SCMH1: variants seen among roughly 807,000 people sequenced by gnomAD.
The protein encoded by SCMH1 is Scm polycomb group protein homolog 1.
A neutral mutation model predicts 70.8 loss-of-function variants in SCMH1; 37 were observed. That is an observed-to-expected ratio of 0.52 (90% CI 0.40 to 0.69). The LOEUF (loss-of-function observed/expected upper bound fraction) is 0.69, where lower values mean the gene tolerates loss of function less well. SCMH1 is among the 30% of genes least tolerant of loss of function. SCMH1 has a pLI of 0.00. For missense variants in SCMH1, 607 were observed against 827.3 expected (o/e 0.73, Z 3.27); for synonymous variants, 292 against 307.4 (o/e 0.95, Z 0.52).
At position 41,053,341 on chromosome 1, in the gene SCMH1, A is replaced by C. The variant is rs56032610; in HGVS notation, c.1106-4451T>G. Among the ~76,000 whole-genome samples the C allele has an allele frequency of 1.6e-3, 241 of 152,324 alleles. 2 individuals are homozygous for C. The Middle Eastern group carries it at 0.027, about 17-fold the overall frequency. The stretch of plus-strand genomic sequence containing the variant: ...TAAAAGGCAGAACTATAAAGCCTTT[A>C]GACTATGCAGAAACAACACTGTACC... On this transcript the variant is annotated intron_variant, in intron 10 of 14. Transcript: ENST00000337495.
At position 41,120,143 on chromosome 1, in the gene SCMH1, C is replaced by T. The variant is rs150320130; in HGVS notation, c.413-3133G>A. On this transcript the variant is annotated intron_variant, in intron 6 of 14. Coordinates refer to ENST00000337495, the Ensembl canonical transcript of SCMH1. ...ACAATTAGAAAATTCAGGTTTAATGCCTATAGTTATCAATGACTAGAGTGC... is the reference window on the plus strand; with the variant it reads ...ACAATTAGAAAATTCAGGTTTAATGTCTATAGTTATCAATGACTAGAGTGC... 3.1e-4 allele frequency among the ~76,000 whole-genome samples: 47 copies of T among 152,128 alleles called. No homozygotes were observed. In the East Asian group the frequency reaches 7.9e-3, roughly 26 times the overall value.
intron 4 of SCMH1, among the ~76,000 whole-genome samples, chr1:41,156,024 T>C (rs1483512820): frequency 6.8e-6 from 1 of 147,788 alleles, no homozygotes; most frequent in African/African-American, 2.5e-5. Flanking sequence ...ATTTGAATGG[T>C]CCTTCCAGCC....
intron 1 of SCMH1, among the ~76,000 whole-genome samples, chr1:41,220,060 G>A (rs1658937043): frequency 6.6e-6 from 1 of 152,064 alleles, no homozygotes; most frequent in Non-Finnish European, 1.5e-5. Context: ...TGTAGAATTG[G>A]GCTTTTCATT....
intron 7 of SCMH1, among the ~76,000 whole-genome samples, chr1:41,114,830 C>T (rs1670061873): frequency 6.6e-6 from 1 of 152,036 alleles, no homozygotes; most frequent in South Asian, 2.1e-4. Context: ...GCACACACCA[C>T]CACACTCTGC....
At chr1:41,157,094 C>T (rs77453506) in intron 4 of SCMH1, among the ~76,000 whole-genome samples, 3,083 of 151,794 alleles carry the variant, frequency 0.02, 105 homozygotes, top group African/African-American at 0.071. Flanking sequence ...GCCGGGACTA[C>T]AGGTGTGCAC....
chr1:41,093,805 C>G (rs1352026090), intron 8 of SCMH1, among the ~76,000 whole-genome samples: 5 of 152,186 alleles, frequency 3.3e-5, no homozygotes, highest in Non-Finnish European at 7.4e-5. Flanking sequence ...GGGAAGCTGT[C>G]AAGATTATGG....
At chr1:41,224,095 C>G (rs778901043) in intron 1 of SCMH1, among the ~76,000 whole-genome samples, 3 of 152,110 alleles carry the variant, frequency 2.0e-5, no homozygotes, top group Non-Finnish European at 4.4e-5. Context: ...CCATCTGGAT[C>G]GCCCCCTCTT....
rs753695456 is a variant in SCMH1 at position 41,046,539 on chromosome 1, C to T, written c.1366G>A (p.Val456Ile). The stretch of plus-strand genomic sequence containing the variant: ...CAGAGTTTCTCCAGGAAGCGGAGGA[C>T]GTAGGTGATGCTGTTGACTGCTGGG... The change falls in exon 12 of 15, where the codon GTC (valine) becomes ATC (isoleucine). Residue 456 changes from valine to isoleucine, a missense_variant. Val to Ile is a conservative substitution (Grantham distance 29). Around this residue, in one of 3 missense-constraint regions of SCMH1, gnomAD observed 430 missense variants for 528.2 expected, o/e 0.81. Coordinates refer to ENST00000337495, the Ensembl canonical transcript of SCMH1. The T allele has an allele frequency of 3.5e-5, 56 of 1,614,148 alleles. No homozygotes were observed. In the Middle Eastern group the frequency reaches 9.9e-4, roughly 29 times the overall value.
intron 2 of SCMH1, among the ~76,000 whole-genome samples, chr1:41,178,381 C>T (rs1340074655): frequency 9.9e-5 from 15 of 152,138 alleles, no homozygotes; most frequent in African/African-American, 3.1e-4. Context: ...CAAATTCACA[C>T]ATAACAATAT....
intron 1 of SCMH1, among the ~76,000 whole-genome samples, chr1:41,234,076 C>G (rs1227233979): frequency 6.6e-6 from 1 of 152,198 alleles, no homozygotes; most frequent in African/African-American, 2.4e-5. Context: ...TTTACCTCTT[C>G]CTATCTGGAA....
At chr1:41,168,219 T>A (rs1193968528) in intron 2 of SCMH1, among the ~76,000 whole-genome samples, 1 of 152,134 alleles carries the variant, frequency 6.6e-6, no homozygotes, top group African/African-American at 2.4e-5. Context: ...TGACATAATT[T>A]CTTTGAATAT....
intron 6 of SCMH1, among the ~76,000 whole-genome samples, chr1:41,131,276 T>C (rs1275642740): frequency 6.6e-6 from 1 of 152,172 alleles, no homozygotes; most frequent in Non-Finnish European, 1.5e-5. Context: ...AGAACCACAA[T>C]GTCTTCAGTA....
chr1:41,185,077 C>G (rs1349380188), intron 2 of SCMH1, among the ~76,000 whole-genome samples: 2 of 152,118 alleles, frequency 1.3e-5, no homozygotes, highest in Non-Finnish European at 2.9e-5. Flanking sequence ...AAATCTTGTT[C>G]AATTTGACAT....
chr1:41,088,936 C>CAG (rs1244100387), intron 8 of SCMH1, among the ~76,000 whole-genome samples: 8 of 152,152 alleles, frequency 5.3e-5, no homozygotes, highest in African/African-American at 1.9e-4. Context: ...TGTCATTGAA[C>CAG]AGATTTCTCT....
rs1670175932 is a variant in SCMH1 at position 41,115,224 on chromosome 1, T to A, written c.501+1698A>T. Among the ~76,000 whole-genome samples the A allele has an allele frequency of 2.0e-5, 3 of 152,214 alleles. 1 individual carries two copies. Among genetic ancestry groups the A allele is most frequent in the Admixed American group, 1.3e-4 (2 of 15,276 alleles). Reference sequence around the variant, plus strand: ...TAGCTTATGCTGATTGACATACCAATTCTTGTGTGCTTGATTTATCAATTG... The same window carrying A: ...TAGCTTATGCTGATTGACATACCAAATCTTGTGTGCTTGATTTATCAATTG... On this transcript the variant is annotated intron_variant, in intron 7 of 14. Transcript: ENST00000337495.
chr1:41,193,525 G>C (rs1346612751), intron 1 of SCMH1, among the ~76,000 whole-genome samples: 2 of 144,018 alleles, frequency 1.4e-5, no homozygotes, highest in East Asian at 2.6e-4. Context: ...GCCAGGGGTT[G>C]GGGGGGGGTT....
At chr1:41,148,957 A>T (rs921610176) in intron 5 of SCMH1, among the ~76,000 whole-genome samples, 2 of 151,680 alleles carry the variant, frequency 1.3e-5, no homozygotes, top group Admixed American at 1.3e-4. Context: ...TGCCCGGCTA[A>T]TTTTTTTGTA....
intron 8 of SCMH1, among the ~76,000 whole-genome samples, chr1:41,101,010 G>A (rs569437260): frequency 1.1e-3 from 174 of 152,018 alleles, no homozygotes; most frequent in Non-Finnish European, 2.3e-3. Context: ...AGCTGAACCT[G>A]GGGTTGGGGA....
At chr1:41,221,893 C>CAAA (rs34257855) in intron 1 of SCMH1, among the ~76,000 whole-genome samples, 7 of 45,058 alleles carry the variant, frequency 1.6e-4, no homozygotes, top group East Asian at 9.5e-4. Flanking sequence ...GACTCCGTCT[C>CAAA]AAAAAAAAAA....
Sources: allele counts gnomAD v4.1 joint callset (sites outside exome capture counted in the v4.1 genomes callset), GRCh38; gene constraint gnomAD v4.1.1; regional missense constraint gnomAD v4.1.1; transcripts MANE v1.5; gene names NCBI Gene and HGNC (gene_info 2026-07-23, HGNC 2026-07-21).